VWF: variants seen among roughly 807,000 people sequenced by gnomAD.
VWF encodes von Willebrand factor.
VWF carries 176 observed loss-of-function variants against 308.6 expected under a neutral mutation model. The ratio of observed to expected loss-of-function variants is 0.57; its 90% CI spans 0.50 to 0.65. VWF has a LOEUF of 0.65. Ranked by LOEUF, VWF falls within the 30% of genes least tolerant of loss-of-function variation. The pLI, the probability that VWF is intolerant of heterozygous loss-of-function variation, is 0.00. For missense variants in VWF, 3,146 were observed against 3,648.2 expected, an observed-to-expected ratio of 0.86 and a Z score of 3.55; for synonymous variants, 1,385 against 1,443.4, an observed-to-expected ratio of 0.96 and a Z score of 0.92.
intron 26 of VWF, 75 bp from the exon 27 acceptor site, chr12:6,022,110 G>A: frequency 6.2e-7 from 1 of 1,606,442 alleles, no homozygotes; most frequent in South Asian, 1.1e-5. Flanking sequence ...TAACTAAAAG[G>A]GAGGAGCCAA....
At chr12:5,988,225 C>T (rs1291473097) in intron 38 of VWF, among the ~76,000 whole-genome samples, 3 of 152,148 alleles carry the variant, frequency 2.0e-5, no homozygotes, top group Non-Finnish European at 4.4e-5. Context: ...TGGCTGAAGA[C>T]AATGGAGGAG....
intron 44 of VWF, among the ~76,000 whole-genome samples, chr12:5,970,931 A>G (rs1943465921): frequency 6.6e-6 from 1 of 152,234 alleles, no homozygotes; most frequent in South Asian, 2.1e-4. Context: ...AAACCGCCAA[A>G]GACGGAATCC....
chr12:6,100,677 A>G (rs1277194349), intron 5 of VWF, among the ~76,000 whole-genome samples: 2 of 152,150 alleles, frequency 1.3e-5, no homozygotes, highest in African/African-American at 2.4e-5. Flanking sequence ...TCACTCATAG[A>G]TGGGAATTGA....
At chr12:5,960,069 T>TATA (rs1363521102) in intron 47 of VWF, among the ~76,000 whole-genome samples, 2 of 147,888 alleles carry the variant, frequency 1.4e-5, no homozygotes, top group Non-Finnish European at 3.0e-5. Flanking sequence ...TAATATATAA[T>TATA]ATAATAATAA....
At chr12:6,049,124 G>C (rs1944479415) in intron 16 of VWF, among the ~76,000 whole-genome samples, 1 of 152,114 alleles carries the variant, frequency 6.6e-6, no homozygotes, top group Non-Finnish European at 1.5e-5. Flanking sequence ...TCACCCTCCT[G>C]CCACCTTTTC....
At chr12:6,056,747 G>A (rs1050441255) in intron 15 of VWF, 110 bp downstream of exon 15, 1 of 969,728 alleles carries the variant, frequency 1.0e-6, no homozygotes. Flanking sequence ...TTGTCACAAT[G>A]CCCTACGCCC....
rs1565386750 is a variant in VWF at position 6,092,634 on chromosome 12, T to TGAGAGAGAGAGAGA, written c.657+2825_657+2826insTCTCTCTCTCTCTC. On this transcript the variant is annotated intron_variant, in intron 6 of 51. Transcript: ENST00000261405. The stretch of plus-strand genomic sequence containing the variant: ...GTGAGTGAGAGTGTGTGTGTGTGTG[T>TGAGAGAGAGAGAGA]GTGTGTGTGTGTGTGTGTGTGTGTG... Among the ~76,000 whole-genome samples, 5 of 79,260 alleles carry TGAGAGAGAGAGAGA rather than the reference T, an allele frequency of 6.3e-5. 1 individual carries two copies. The highest frequency in any genetic ancestry group is 3.2e-4 in the African/African-American group (4 of 12,582). 52.0% of individuals were successfully genotyped at this position (79,260 alleles called of 152,430 possible).
chr12:6,101,069 C>T (rs1945156811), intron 5 of VWF, among the ~76,000 whole-genome samples: 1 of 151,876 alleles, frequency 6.6e-6, no homozygotes, highest in Admixed American at 6.6e-5. Context: ...AGAAAAAGAG[C>T]CAGGTTTACC....
intron 6 of VWF, among the ~76,000 whole-genome samples, chr12:6,078,056 A>T (rs1290406258): frequency 1.3e-5 from 2 of 151,868 alleles, no homozygotes; most frequent in East Asian, 1.9e-4. Context: ...CATCATCATC[A>T]TCTTCATCAT....
rs372650235 is a variant in VWF at position 5,988,714 on chromosome 12, C to A, written c.6799-3049G>T. Among the ~76,000 whole-genome samples the A allele has an allele frequency of 2.7e-4, 41 of 152,308 alleles. No homozygotes were observed. In the East Asian group the frequency reaches 5.4e-3, roughly 20 times the overall value. On this transcript the variant is annotated intron_variant, in intron 38 of 51. Coordinates refer to ENST00000261405, the MANE Select transcript of VWF (RefSeq NM_000552.5). ...AAGCTTCTAAAAGCAACCGTAGTGG[C>A]TCTCCAGGCCTGGCCAGGCTATGCA...
intron 7 of VWF, among the ~76,000 whole-genome samples, chr12:6,074,976 C>T (rs1367106635): frequency 4.6e-5 from 7 of 152,070 alleles, no homozygotes; most frequent in African/African-American, 1.7e-4. Context: ...CTCATCAATT[C>T]GGGCGGGCAG....
intron 40 of VWF, among the ~76,000 whole-genome samples, chr12:5,984,013 TAGATAGACAGAC>T (rs1393421502): frequency 0.012 from 1,595 of 137,376 alleles, 10 homozygotes; most frequent in Non-Finnish European, 0.017. Flanking sequence ...GATAGATAGA[TAGATAGACAGAC>T]AGACAGACAG....
At chr12:5,974,300 T>C (rs918043813) in intron 43 of VWF, among the ~76,000 whole-genome samples, 3 of 152,128 alleles carry the variant, frequency 2.0e-5, no homozygotes, top group Non-Finnish European at 4.4e-5. Context: ...TGAGGCTCCC[T>C]TCTCCTCCCC....
chr12:5,985,240 A>G, intron 39 of VWF, 121 bp from the exon 40 acceptor site: 1 of 1,052,610 alleles, frequency 9.5e-7, no homozygotes, highest in South Asian at 1.3e-5. Flanking sequence ...TCCCACAAGG[A>G]TCCAGGCCAC....
chr12:6,038,329 C>T (rs1259709738), intron 18 of VWF, among the ~76,000 whole-genome samples: 1 of 152,190 alleles, frequency 6.6e-6, no homozygotes, highest in Non-Finnish European at 1.5e-5. Context: ...AGATAATACG[C>T]CTCCTTGTGG....
Position 6,072,371 on chromosome 12 carries a change from A to G in VWF, c.1069T>C (p.Tyr357His). ...ECPCVHSGKR[Y>H]PPGTSLSRDC... is the part of the protein sequence containing the mutation. ...CGAGAGAGGGAGGTGCCGGGAGGGT[A>G]GCGCTTTCCGGAATGCACGCAGGGA... Residue 357 changes from tyrosine (Y) to histidine (H), a missense_variant, in exon 9 of 52, where the codon TAC becomes CAC. Coordinates refer to ENST00000261405, the MANE Select transcript of VWF (RefSeq NM_000552.5). The G allele has an allele frequency of 6.2e-7, 1 of 1,614,086 alleles. No homozygotes were observed. The highest frequency in any genetic ancestry group is 8.5e-7 in the Non-Finnish European group (1 of 1,180,012).
chr12:6,071,397 G>A (rs1944779825), intron 9 of VWF, 54 bp from the exon 10 acceptor site: 3 of 1,600,070 alleles, frequency 1.9e-6, no homozygotes, highest in Middle Eastern at 3.3e-4. Flanking sequence ...ACAAGGGTAT[G>A]CAAATGGATT....
Position 5,994,196 on chromosome 12 carries a change from A to C in VWF, c.6264T>G (p.Cys2088Trp), listed in dbSNP as rs1015433625. 3 of 1,613,934 alleles carry C rather than the reference A, an allele frequency of 1.9e-6. No individual in the cohort carries two copies. Among genetic ancestry groups the C allele is most frequent in the Non-Finnish European group, 2.5e-6 (3 of 1,180,012 alleles). ...TGAAGTCATTGGCTCCGTTCTCATC[A>C]CAGATCCCTAGAGAAACAAACAAAC... ...ASKTYGLCGI[C>W]DENGANDFML... Residue 2088 changes from cysteine to tryptophan, a missense_variant, in exon 37 of 52, where the codon TGT (cysteine) becomes TGG (tryptophan). Around this residue, in one of 3 missense-constraint regions of VWF, gnomAD observed 989 missense variants for 1,117.4 expected, o/e 0.89. Transcript: ENST00000261405.
chr12:6,103,277 A>AG (rs1945188261), intron 5 of VWF, among the ~76,000 whole-genome samples: 3 of 151,946 alleles, frequency 2.0e-5, no homozygotes, highest in African/African-American at 7.2e-5. Flanking sequence ...GCAGTGAGCC[A>AG]ATCCACGCCA....
Sources: allele counts gnomAD v4.1 joint callset (sites outside exome capture counted in the v4.1 genomes callset), GRCh38; gene constraint gnomAD v4.1.1; regional missense constraint gnomAD v4.1.1; transcripts MANE v1.5; gene names NCBI Gene and HGNC (gene_info 2026-07-23, HGNC 2026-07-21).